The following CCDC178 variants were observed in gnomAD, a reference collection of about 807,000 sequenced individuals.
CCDC178 encodes coiled-coil domain containing 178, also known as coiled-coil domain-containing protein 178.
CCDC178 carries 126 observed loss-of-function variants against 117.4 expected under a neutral mutation model. That is an observed-to-expected ratio of 1.07 (90% confidence interval 0.93 to 1.24). The LOEUF is 1.24. Ranked by LOEUF, CCDC178 falls within the 50% of genes most tolerant of loss-of-function variation. CCDC178 has a pLI of 0.00. For missense variants in CCDC178, 1,030 were observed against 986.9 expected (o/e 1.04, Z -0.59); for synonymous variants, 283 against 313.4 (o/e 0.90, Z 1.02).
intron 2 of CCDC178, among the ~76,000 whole-genome samples, chr18:33,415,148 C>A (rs1286841927): frequency 6.6e-6 from 1 of 152,180 alleles, no homozygotes; most frequent in East Asian, 1.9e-4. Flanking sequence ...CGTGGTGATT[C>A]CTCAAGGATC....
At chr18:33,353,491 A>G (rs2063006925) in intron 7 of CCDC178, among the ~76,000 whole-genome samples, 1 of 151,980 alleles carries the variant, frequency 6.6e-6, no homozygotes, top group Admixed American at 6.6e-5. Context: ...TAACTGCCTT[A>G]TTTGTAACTA....
intron 21 of CCDC178, 122 bp from the exon 22 acceptor site, chr18:32,974,803 C>G (rs771954203): frequency 1.1e-6 from 1 of 880,156 alleles, no homozygotes; most frequent in South Asian, 1.7e-5. Context: ...CTGCACTGCA[C>G]GGACCTGACA....
intron 21 of CCDC178, among the ~76,000 whole-genome samples, chr18:32,995,087 G>A (rs916432961): frequency 1.3e-5 from 2 of 152,150 alleles, no homozygotes; most frequent in Non-Finnish European, 2.9e-5. Flanking sequence ...CAGCCATTGT[G>A]TAATGGAATT....
chr18:32,971,123 T>C (rs2054914457), intron 22 of CCDC178, among the ~76,000 whole-genome samples: 1 of 151,878 alleles, frequency 6.6e-6, no homozygotes, highest in Non-Finnish European at 1.5e-5. Flanking sequence ...ATCATCTAGG[T>C]TTTAAGCCCT....
intron 20 of CCDC178, among the ~76,000 whole-genome samples, chr18:33,098,298 A>T (rs1020563700): frequency 1.3e-5 from 2 of 152,074 alleles, no homozygotes; most frequent in African/African-American, 4.8e-5. Flanking sequence ...AATGCATAGC[A>T]ATGTGTCATA....
intron 8 of CCDC178, among the ~76,000 whole-genome samples, chr18:33,348,261 T>C (rs1358132515): frequency 1.3e-5 from 2 of 151,906 alleles, no homozygotes; most frequent in Non-Finnish European, 2.9e-5. Flanking sequence ...ATTTAGCAAT[T>C]TTTTGTGGTA....
intron 20 of CCDC178, among the ~76,000 whole-genome samples, chr18:33,093,118 T>C (rs180857971): frequency 6.6e-6 from 1 of 151,116 alleles, no homozygotes; most frequent in Non-Finnish European, 1.5e-5. Context: ...TTGATGCAGG[T>C]TTTTTTTTAA....
intron 14 of CCDC178, among the ~76,000 whole-genome samples, chr18:33,248,728 C>A (rs1230389759): frequency 6.6e-6 from 1 of 151,948 alleles, no homozygotes; most frequent in African/African-American, 2.4e-5. Context: ...AATAAACATA[C>A]GTTTGCATGT....
intron 21 of CCDC178, among the ~76,000 whole-genome samples, chr18:33,085,584 AT>A (rs1443119235): frequency 1.3e-5 from 2 of 152,220 alleles, no homozygotes; most frequent in African/African-American, 2.4e-5. Flanking sequence ...TAAATAAAAA[AT>A]AAAACGTATT....
chr18:33,293,836 G>A (rs1173945316), intron 11 of CCDC178, among the ~76,000 whole-genome samples: 1 of 152,042 alleles, frequency 6.6e-6, no homozygotes, highest in Non-Finnish European at 1.5e-5. Flanking sequence ...GTTTCCAAGG[G>A]AAAACATAAT....
At chr18:33,331,627 A>T (rs2062670897) in intron 10 of CCDC178, among the ~76,000 whole-genome samples, 1 of 152,118 alleles carries the variant, frequency 6.6e-6, no homozygotes, top group Admixed American at 6.5e-5. Flanking sequence ...AAATACAATG[A>T]GAAAAGGGAA....
chr18:33,022,681 A>G (rs1227369952), intron 21 of CCDC178, among the ~76,000 whole-genome samples: 1 of 152,140 alleles, frequency 6.6e-6, no homozygotes, highest in Non-Finnish European at 1.5e-5. Context: ...AGAAATGAAA[A>G]CAGAAAACAA....
chr18:33,417,515 T>G (rs2063961199), intron 2 of CCDC178, among the ~76,000 whole-genome samples: 1 of 134,396 alleles, frequency 7.4e-6, no homozygotes, highest in East Asian at 2.3e-4. Context: ...ACACATAAAA[T>G]AAAAGTTCAC....
intron 20 of CCDC178, among the ~76,000 whole-genome samples, chr18:33,193,632 A>C (rs2058889880): frequency 6.6e-6 from 1 of 152,166 alleles, no homozygotes; most frequent in Non-Finnish European, 1.5e-5. Context: ...AGTAGCTTTT[A>C]ATTTATATCA....
At chr18:32,986,559 A>T (rs2055268166) in intron 21 of CCDC178, among the ~76,000 whole-genome samples, 1 of 152,124 alleles carries the variant, frequency 6.6e-6, no homozygotes, top group Middle Eastern at 3.2e-3. Context: ...AAGGGTAATA[A>T]AGAGATATTT....
At chr18:33,148,375 T>C (rs1287131798) in intron 20 of CCDC178, among the ~76,000 whole-genome samples, 1 of 151,402 alleles carries the variant, frequency 6.6e-6, no homozygotes, top group East Asian at 2.0e-4. Context: ...ATGGTGGCAG[T>C]ACAGTCCAGC....
At chr18:33,075,806 T>A (rs2057196361) in intron 21 of CCDC178, among the ~76,000 whole-genome samples, 1 of 151,912 alleles carries the variant, frequency 6.6e-6, no homozygotes, top group Admixed American at 6.6e-5. Flanking sequence ...CCATCTCTAC[T>A]AAAAATACAA....
At chr18:33,255,382 A>G (rs1241322485) in intron 14 of CCDC178, among the ~76,000 whole-genome samples, 1 of 152,128 alleles carries the variant, frequency 6.6e-6, no homozygotes, top group Non-Finnish European at 1.5e-5. Context: ...GTCTGGAAGC[A>G]TGACTTTATC....
At chr18:33,196,827 G>C (rs271526) in intron 20 of CCDC178, among the ~76,000 whole-genome samples, 1 of 151,962 alleles carries the variant, frequency 6.6e-6, no homozygotes, top group African/African-American at 2.4e-5. Context: ...CTGCTGAAAT[G>C]GGGAGTTTTT....
Sources: gnomAD v4.1 joint callset for allele counts (sites outside exome capture counted in the v4.1 genomes callset) on GRCh38, gnomAD v4.1.1 for gene constraint, MANE v1.5 for transcripts, NCBI Gene and HGNC (gene_info 2026-07-23, HGNC 2026-07-21) for gene names.